The following SAMD5 variants were observed in gnomAD, a reference collection of about 807,000 sequenced individuals.
SAMD5 encodes sterile alpha motif domain containing 5, also known as sterile alpha motif domain-containing protein 5.
In SAMD5, 13 loss-of-function variants were observed where a neutral mutation model predicts 11.3. The ratio of observed to expected loss-of-function variants is 1.15; its 90% CI spans 0.75 to 1.83. SAMD5 has a LOEUF of 1.83. SAMD5 is among the 40% of genes most tolerant of loss of function. SAMD5 has a pLI of 0.00. For synonymous variants in SAMD5, 129 were observed against 111.3 expected, an observed-to-expected ratio of 1.16 and a Z score of -1.00; for missense variants, 255 against 239.1, an observed-to-expected ratio of 1.07 and a Z score of -0.44.
At chr6:147,805,429 T>C in the SAMD5 span, among the ~76,000 whole-genome samples, 1 of 148,420 alleles carries the variant, frequency 6.7e-6, no homozygotes, top group Admixed American at 6.6e-5. Context: ...ATTGTAGTAA[T>C]GGAAATCCAA....
At chr6:147,615,714 C>T (rs141567856) in intron 1 of SAMD5, among the ~76,000 whole-genome samples, 79 of 152,256 alleles carry the variant, frequency 5.2e-4, no homozygotes, top group Middle Eastern at 3.4e-3. Flanking sequence ...CTTTGGCATA[C>T]GCCTGAAATG....
chr6:147,751,105 A>T, the SAMD5 span, among the ~76,000 whole-genome samples: 2 of 152,146 alleles, frequency 1.3e-5, no homozygotes, highest in African/African-American at 4.8e-5. Flanking sequence ...AACACACCAG[A>T]CTTGTCCCAT....
the SAMD5 span, among the ~76,000 whole-genome samples, chr6:147,841,080 G>A: frequency 6.6e-6 from 1 of 152,174 alleles, no homozygotes. Context: ...TATTTTTCTA[G>A]GGTGCACATA....
chr6:147,861,796 G>A, the SAMD5 span, among the ~76,000 whole-genome samples: 1 of 152,320 alleles, frequency 6.6e-6, no homozygotes, highest in Non-Finnish European at 1.5e-5. Flanking sequence ...CCAAAAGAAA[G>A]CCCAAGAAGT....
intron 1 of SAMD5, among the ~76,000 whole-genome samples, chr6:147,589,339 CT>C (rs1481970034): frequency 6.6e-6 from 1 of 152,168 alleles, no homozygotes; most frequent in Non-Finnish European, 1.5e-5. Flanking sequence ...TCTATAGGGA[CT>C]TTTAAAACAC....
At chr6:147,679,926 T>G (rs973202758) in intron 1 of SAMD5, among the ~76,000 whole-genome samples, 1 of 152,032 alleles carries the variant, frequency 6.6e-6, no homozygotes, top group South Asian at 2.1e-4. Context: ...ATATTGTGGT[T>G]CTATTTCTAG....
At chr6:147,726,201 T>A (rs377240973) in intron 1 of SAMD5, among the ~76,000 whole-genome samples, 9 of 152,344 alleles carry the variant, frequency 5.9e-5, no homozygotes, top group African/African-American at 2.2e-4. Context: ...TGAAATTATC[T>A]TCTGTCCCCT....
intron 1 of SAMD5, among the ~76,000 whole-genome samples, chr6:147,513,745 G>C (rs571841541): frequency 1.3e-5 from 2 of 152,264 alleles, no homozygotes; most frequent in Non-Finnish European, 2.9e-5. Flanking sequence ...GTAAGCAGAG[G>C]GTAGGTGGTA....
chr6:147,592,778 G>A (rs1207370225), intron 1 of SAMD5, among the ~76,000 whole-genome samples: 1 of 152,118 alleles, frequency 6.6e-6, no homozygotes, highest in Non-Finnish European at 1.5e-5. Flanking sequence ...GAGAACATAT[G>A]TTAAGTGTCC....
intron 1 of SAMD5, among the ~76,000 whole-genome samples, chr6:147,720,725 T>G: frequency 6.6e-6 from 1 of 151,988 alleles, no homozygotes; most frequent in Non-Finnish European, 1.5e-5. Context: ...TACTTTCAGT[T>G]TTAGGGTACA....
In SAMD5 at chr6:147,606,573, TA is replaced by T. The variant is rs536033070; in HGVS notation, c.162+97195del. On this transcript the variant is annotated intron_variant, in intron 1 of 1. Coordinates refer to the SAMD5 transcript ENST00000566741. ...ATTATCTAAAAAATGACAGCTAACT[TA>T]AAAAAAAAGACTTTTTAAATAGAGT... is the stretch of plus-strand genomic sequence containing the variant. Among the ~76,000 whole-genome samples, 203 of 150,228 alleles carry T rather than the reference TA, an allele frequency of 1.4e-3. 1 individual carries two copies. The highest frequency in any genetic ancestry group is 4.4e-3 in the African/African-American group (179 of 41,024).
At chr6:147,898,024 C>A in the SAMD5 span, among the ~76,000 whole-genome samples, 1 of 148,876 alleles carries the variant, frequency 6.7e-6, no homozygotes, top group Non-Finnish European at 1.5e-5. Flanking sequence ...CTGTCAGGAT[C>A]CTTCAGAAGA....
At chr6:147,946,158 A>G in the SAMD5 span, among the ~76,000 whole-genome samples, 34 of 152,160 alleles carry the variant, frequency 2.2e-4, no homozygotes, top group African/African-American at 8.2e-4. Flanking sequence ...CCAACCCTTG[A>G]GTATGTTCCA....
At chr6:147,696,552 G>C (rs185627447) in intron 1 of SAMD5, among the ~76,000 whole-genome samples, 113 of 152,300 alleles carry the variant, frequency 7.4e-4, no homozygotes, top group African/African-American at 2.6e-3. Context: ...CCCAGCATAT[G>C]CACTGAGAGT....
chr6:147,690,815 G>A (rs1791090215), intron 1 of SAMD5, among the ~76,000 whole-genome samples: 1 of 152,134 alleles, frequency 6.6e-6, no homozygotes, highest in African/African-American at 2.4e-5. Context: ...GGAAATGAGA[G>A]AATTGGTCTA....
chr6:147,525,838 G>A (rs543191021), intron 1 of SAMD5, among the ~76,000 whole-genome samples: 2 of 152,224 alleles, frequency 1.3e-5, no homozygotes, highest in Non-Finnish European at 2.9e-5. Context: ...ATGTGTTCAC[G>A]TACAAGAAGA....
intron 1 of SAMD5, among the ~76,000 whole-genome samples, chr6:147,553,244 C>T (rs1788801842): frequency 6.6e-6 from 1 of 152,106 alleles, no homozygotes; most frequent in African/African-American, 2.4e-5. Flanking sequence ...GGGTAATATG[C>T]CCAAGGCCAT....
chr6:147,906,382 G>T, the SAMD5 span, among the ~76,000 whole-genome samples: 1 of 152,182 alleles, frequency 6.6e-6, no homozygotes, highest in African/African-American at 2.4e-5. Context: ...AAAAGTAGAA[G>T]GTTGGACTCA....
At position 147,623,926 on chromosome 6, in the gene SAMD5, G is replaced by C. The variant is rs551971120; in HGVS notation, c.163-113391G>C. On this transcript the variant is annotated intron_variant, in intron 1 of 1. Transcript: ENST00000566741. ...GCTCTGTCGCCCAGGCTCGAGTGCA[G>C]TGGTGCCATCTCTGCTCACTGCAAC... 4.6e-5 allele frequency among the ~76,000 whole-genome samples: 7 copies of C among 152,188 alleles called. No homozygotes were observed. The South Asian group carries it at 1.5e-3, about 32-fold the overall frequency.
Sources: allele counts gnomAD v4.1 joint callset (sites outside exome capture counted in the v4.1 genomes callset), GRCh38; gene constraint gnomAD v4.1.1; transcripts MANE v1.5; gene names NCBI Gene and HGNC (gene_info 2026-07-23, HGNC 2026-07-21).